DPYD: variants seen among roughly 807,000 people sequenced by gnomAD.
DPYD encodes the protein dihydropyrimidine dehydrogenase.
A neutral mutation model predicts 116.2 loss-of-function variants in DPYD; 109 were observed. The observed-to-expected ratio is 0.94, with a 90% CI of 0.80 to 1.10. The LOEUF (loss-of-function observed/expected upper bound fraction) is 1.10, where lower values mean the gene tolerates loss of function less well. Ranked by LOEUF, DPYD falls within the 50% of genes least tolerant of loss-of-function variation. The pLI is 0.00. For missense variants in DPYD, 1,302 were observed against 1,254.5 expected (o/e 1.04, Z -0.57); for synonymous variants, 440 against 432.0 (o/e 1.02, Z -0.23).
At chr1:97,528,533 C>G (rs558278942) in intron 12 of DPYD, among the ~76,000 whole-genome samples, 2 of 151,994 alleles carry the variant, frequency 1.3e-5, no homozygotes, top group Non-Finnish European at 2.9e-5. Flanking sequence ...TAAACTCTAC[C>G]TCTACCCCCA....
intron 8 of DPYD, among the ~76,000 whole-genome samples, chr1:97,637,713 C>T (rs771338452): frequency 4.6e-5 from 7 of 152,048 alleles, no homozygotes; most frequent in Non-Finnish European, 8.8e-5. Context: ...TGATAGCCAA[C>T]GAATATTTTA....
chr1:97,152,510 GAT>G (rs1655104219), intron 20 of DPYD, among the ~76,000 whole-genome samples: 1 of 150,772 alleles, frequency 6.6e-6, no homozygotes, highest in East Asian at 1.9e-4. Flanking sequence ...AATACATGCA[GAT>G]ATAGTTAATA....
rs1404973879 is a variant in DPYD at position 97,783,743 on chromosome 1, T to A, written c.234-43264A>T. 5.9e-5 allele frequency among the ~76,000 whole-genome samples: 9 copies of A among 152,278 alleles called. No homozygotes were observed. The East Asian group carries it at 1.7e-3, about 29-fold the overall frequency. ...AGGAGGCATCATTTACCAGAGGTCA[T>A]GAAACTGGAAAAGACAAAAAAAGTT... is the stretch of plus-strand genomic sequence containing the variant. On this transcript the variant is annotated intron_variant, in intron 3 of 22. Coordinates refer to ENST00000370192, the MANE Select transcript of DPYD (RefSeq NM_000110.4).
chr1:97,601,411 G>A (rs892924058), intron 8 of DPYD, among the ~76,000 whole-genome samples: 1 of 151,896 alleles, frequency 6.6e-6, no homozygotes, highest in Non-Finnish European at 1.5e-5. Context: ...TAAGCCATTT[G>A]GGTGGCTGTA....
intron 18 of DPYD, 92 bp downstream of exon 18, chr1:97,305,167 G>A: frequency 1.3e-6 from 2 of 1,585,136 alleles, no homozygotes; most frequent in South Asian, 2.2e-5. Flanking sequence ...AAGAATTTGG[G>A]ATCATAAAGG....
At chr1:97,649,051 C>G (rs1272447304) in intron 8 of DPYD, among the ~76,000 whole-genome samples, 1 of 151,928 alleles carries the variant, frequency 6.6e-6, no homozygotes, top group Non-Finnish European at 1.5e-5. Flanking sequence ...TCTATATGTC[C>G]TTTGATGTTA....
chr1:97,249,065 C>CA (rs1662906482), intron 18 of DPYD, among the ~76,000 whole-genome samples: 1 of 151,476 alleles, frequency 6.6e-6, no homozygotes, highest in Admixed American at 6.6e-5. Flanking sequence ...AACAAAAATC[C>CA]AAAAAGGTTT....
intron 16 of DPYD, 91 bp downstream of exon 16, chr1:97,373,470 T>G: frequency 9.3e-7 from 1 of 1,074,882 alleles, no homozygotes; most frequent in Non-Finnish European, 1.4e-6. Flanking sequence ...ATCTGATCCA[T>G]GCATCTCCTT....
chr1:97,306,049 A>C, intron 17 of DPYD, 128 bp downstream of exon 17: 2 of 1,467,294 alleles, frequency 1.4e-6, no homozygotes, highest in East Asian at 4.6e-5. Flanking sequence ...CAAGTGCTCA[A>C]CTGGAAACTT....
At chr1:97,656,394 T>A (rs1010853808) in intron 8 of DPYD, among the ~76,000 whole-genome samples, 3 of 152,202 alleles carry the variant, frequency 2.0e-5, no homozygotes, top group African/African-American at 7.2e-5. Context: ...CTACTTTTTT[T>A]AATACACTCT....
chr1:97,465,851 G>T (rs1452329164), intron 13 of DPYD, among the ~76,000 whole-genome samples: 1 of 152,302 alleles, frequency 6.6e-6, no homozygotes, highest in East Asian at 1.9e-4. Flanking sequence ...GCTGTGTCAT[G>T]GGCAGGCTCT....
chr1:97,646,628 G>A (rs964932964), intron 8 of DPYD, among the ~76,000 whole-genome samples: 2 of 152,010 alleles, frequency 1.3e-5, no homozygotes, highest in East Asian at 3.9e-4. Flanking sequence ...TGGAAAGTAT[G>A]CTTATCTCTT....
chr1:97,081,712 CTTTTCTTTT>C (rs1409201249), intron 22 of DPYD, among the ~76,000 whole-genome samples: 1 of 138,540 alleles, frequency 7.2e-6, no homozygotes, highest in African/African-American at 2.6e-5. Flanking sequence ...CTTTTCTTTT[CTTTTCTTTT>C]TTTTTTTTTT....
At chr1:97,520,390 A>G (rs1481065818) in intron 12 of DPYD, among the ~76,000 whole-genome samples, 4 of 152,156 alleles carry the variant, frequency 2.6e-5, no homozygotes, top group African/African-American at 9.7e-5. Context: ...AACTCAACTG[A>G]TTCATTCAAG....
intron 8 of DPYD, among the ~76,000 whole-genome samples, chr1:97,619,131 T>C (rs528525208): frequency 6.6e-6 from 1 of 152,348 alleles, no homozygotes; most frequent in African/African-American, 2.4e-5. Flanking sequence ...TTTTATTTCA[T>C]ACAGATTGGT....
intron 8 of DPYD, among the ~76,000 whole-genome samples, chr1:97,629,692 C>A (rs947510387): frequency 6.6e-6 from 1 of 151,140 alleles, no homozygotes; most frequent in Non-Finnish European, 1.5e-5. Context: ...CAAAAAAAAA[C>A]AAACAAAAAC....
At chr1:97,388,758 C>G (rs1408885491) in intron 14 of DPYD, among the ~76,000 whole-genome samples, 1 of 152,038 alleles carries the variant, frequency 6.6e-6, no homozygotes, top group African/African-American at 2.4e-5. Flanking sequence ...CAAATGAAGG[C>G]AGCCTGTACA....
intron 7 of DPYD, among the ~76,000 whole-genome samples, chr1:97,683,879 C>T (rs1660565045): frequency 6.6e-6 from 1 of 152,084 alleles, no homozygotes; most frequent in South Asian, 2.1e-4. Context: ...AAAAAACCTA[C>T]TTTCTGAAGA....
intron 11 of DPYD, among the ~76,000 whole-genome samples, chr1:97,549,992 G>A (rs1651204151): frequency 6.6e-6 from 1 of 152,158 alleles, no homozygotes; most frequent in Non-Finnish European, 1.5e-5. Flanking sequence ...ATGTTTCAGA[G>A]CGGACATTTA....
Sources: allele counts gnomAD v4.1 joint callset (sites outside exome capture counted in the v4.1 genomes callset), GRCh38; gene constraint gnomAD v4.1.1; transcripts MANE v1.5; gene names NCBI Gene and HGNC (gene_info 2026-07-23, HGNC 2026-07-21).